ADAMTS20: variants seen among roughly 807,000 people sequenced by gnomAD.
ADAMTS20 encodes ADAM metallopeptidase with thrombospondin type 1 motif 20.
ADAMTS20 carries 225 observed loss-of-function variants against 260.1 expected under a neutral mutation model. The ratio of observed to expected loss-of-function variants is 0.87; its 90% confidence interval spans 0.78 to 0.97. The LOEUF (loss-of-function observed/expected upper bound fraction) is 0.97. ADAMTS20 is among the 50% of genes least tolerant of loss of function. ADAMTS20 has a pLI of 0.00. For synonymous variants in ADAMTS20, 802 were observed against 769.5 expected (o/e 1.04, Z -0.70); for missense variants, 2,400 against 2,337.7 (o/e 1.03, Z -0.55).
intron 36 of ADAMTS20, among the ~76,000 whole-genome samples, chr12:43,371,850 A>G (rs1322885099): frequency 6.6e-6 from 1 of 152,250 alleles, no homozygotes; most frequent in African/African-American, 2.4e-5. Context: ...CAGCATGCAC[A>G]TTGAAAATTC....
At chr12:43,455,844 G>A (rs921728858) in intron 11 of ADAMTS20, among the ~76,000 whole-genome samples, 3 of 151,954 alleles carry the variant, frequency 2.0e-5, no homozygotes, top group Non-Finnish European at 4.4e-5. Context: ...GAGTAGCTGG[G>A]ACTACAGGCG....
chr12:43,377,652 G>A, intron 31 of ADAMTS20, 90 bp from the exon 32 acceptor site: 14 of 1,004,880 alleles, frequency 1.4e-5, no homozygotes, highest in Admixed American at 2.8e-5. Flanking sequence ...ATTATGCTGT[G>A]TCATTTCCAC....
chr12:43,410,048 T>C (rs559895251), intron 28 of ADAMTS20, among the ~76,000 whole-genome samples: 2 of 152,212 alleles, frequency 1.3e-5, no homozygotes, highest in Non-Finnish European at 2.9e-5. Flanking sequence ...TATTCCAATA[T>C]AAGGATTGAC....
chr12:43,505,023 G>A (rs1273625224), intron 3 of ADAMTS20, among the ~76,000 whole-genome samples: 1 of 152,086 alleles, frequency 6.6e-6, no homozygotes, highest in Non-Finnish European at 1.5e-5. Flanking sequence ...TAAGTTCATA[G>A]CAAAACAAAT....
At chr12:43,496,049 G>A (rs17093391) in intron 4 of ADAMTS20, among the ~76,000 whole-genome samples, 4,226 of 152,244 alleles carry the variant, frequency 0.028, 91 homozygotes, top group African/African-American at 0.054. Context: ...GAGAATTTTT[G>A]AAGCAGTATG....
chr12:43,396,633 C>T (rs1473173932), intron 29 of ADAMTS20, among the ~76,000 whole-genome samples: 2 of 152,046 alleles, frequency 1.3e-5, no homozygotes, highest in Admixed American at 6.6e-5. Context: ...GAGAAGCAAG[C>T]AAATTATATA....
intron 31 of ADAMTS20, among the ~76,000 whole-genome samples, chr12:43,379,737 T>A (rs183894571): frequency 2.2e-4 from 34 of 152,142 alleles, no homozygotes; most frequent in African/African-American, 6.7e-4. Context: ...GAAAAGTCAC[T>A]AAAAAACAAA....
At position 43,493,256 on chromosome 12, in the gene ADAMTS20, G is replaced by A. The variant is rs1315059488; in HGVS notation, c.868-3C>T. On this transcript the variant is annotated splice_region_variant and splice_polypyrimidine_tract_variant and intron_variant, in intron 4 of 38. Coordinates refer to ENST00000389420, the MANE Select transcript of ADAMTS20 (RefSeq NM_025003.5). Reference sequence around the variant, plus strand: ...GGATCTTTGTAGATTGTTGCAACCTGCATGTAAAAAAAATGTAGGATTAGT... The same window carrying A: ...GGATCTTTGTAGATTGTTGCAACCTACATGTAAAAAAAATGTAGGATTAGT... 2.6e-6 allele frequency: 4 copies of A among 1,533,054 alleles called. No homozygotes were observed. The highest frequency in any genetic ancestry group is 2.8e-5 in the African/African-American group (2 of 72,290). 95.0% of individuals were successfully genotyped at this position (1,533,054 alleles called of 1,614,324 possible).
chr12:43,422,455 T>G (rs958192875), intron 28 of ADAMTS20, among the ~76,000 whole-genome samples: 1 of 151,970 alleles, frequency 6.6e-6, no homozygotes, highest in East Asian at 1.9e-4. Flanking sequence ...AATGTTATAT[T>G]TGGTATTGAC....
At chr12:43,512,283 T>A (rs1240562581) in intron 3 of ADAMTS20, among the ~76,000 whole-genome samples, 1 of 149,404 alleles carries the variant, frequency 6.7e-6, no homozygotes, top group Non-Finnish European at 1.5e-5. Flanking sequence ...CTGCCTATTG[T>A]AATATAACTA....
intron 3 of ADAMTS20, among the ~76,000 whole-genome samples, chr12:43,523,731 G>A (rs1198141104): frequency 6.6e-6 from 1 of 152,052 alleles, no homozygotes; most frequent in African/African-American, 2.4e-5. Flanking sequence ...TCTAGAACAT[G>A]AGACCATCTC....
chr12:43,482,015 G>A (rs1017452635), intron 7 of ADAMTS20, among the ~76,000 whole-genome samples: 6 of 152,088 alleles, frequency 3.9e-5, no homozygotes, highest in Admixed American at 6.5e-5. Flanking sequence ...CCAGGCCATG[G>A]GGAGAAGGCG....
chr12:43,409,364 A>C (rs552062280), intron 28 of ADAMTS20, among the ~76,000 whole-genome samples: 24 of 152,088 alleles, frequency 1.6e-4, no homozygotes, highest in South Asian at 4.1e-4. Context: ...GCACTTTGGG[A>C]GGCCGAGACG....
chr12:43,429,683 C>G lies in ADAMTS20; in HGVS notation c.3423G>C (p.Glu1141Asp), dbSNP rs780022018. The G allele has an allele frequency of 2.3e-5, 37 of 1,596,394 alleles. No individual in the cohort carries two copies. The Admixed American group carries it at 6.1e-4, about 26-fold the overall frequency. The change falls in exon 24 of 39, where the codon GAG (glutamate) becomes GAC (aspartate). Residue 1141 changes from glutamate to aspartate, a missense_variant. Transcript: ENST00000389420. ...LTPCSFISKLETALLPTVLIK... is the reference protein window; with the variant it reads ...LTPCSFISKLDTALLPTVLIK... ...TGAGAACAGTTGGTAATAAAGCGGTCTCAAGTTTAGAAATAAATGAGCAAG... is the reference window on the plus strand; with the variant it reads ...TGAGAACAGTTGGTAATAAAGCGGTGTCAAGTTTAGAAATAAATGAGCAAG...
Position 43,432,817 on chromosome 12 carries a change from A to G in ADAMTS20, c.2721-6T>C. 2 of 1,607,522 alleles carry G rather than the reference A, an allele frequency of 1.2e-6. No homozygotes were observed. The highest frequency in any genetic ancestry group is 1.7e-6 in the Non-Finnish European group (2 of 1,174,066). ...TTTTGCCAATAACATGCCACCTTGA[A>G]AAAAGATGTTACTATACTTAGGAGG... On this transcript the variant is annotated splice_polypyrimidine_tract_variant and splice_region_variant and intron_variant, in intron 19 of 38. Coordinates refer to ENST00000389420, the MANE Select transcript of ADAMTS20 (RefSeq NM_025003.5).
intron 37 of ADAMTS20, among the ~76,000 whole-genome samples, chr12:43,362,155 G>A (rs921675790): frequency 6.6e-6 from 1 of 152,192 alleles, no homozygotes; most frequent in Non-Finnish European, 1.5e-5. Context: ...ATTGTAGAAT[G>A]TATAATCTCC....
chr12:43,452,280 C>G lies in ADAMTS20; in HGVS notation c.2073G>C (p.Gln691His). 1 of 1,607,320 alleles carries G rather than the reference C, an allele frequency of 6.2e-7. No homozygotes were observed. The highest frequency in any genetic ancestry group is 8.5e-7 in the Non-Finnish European group (1 of 1,177,846). Reference sequence around the variant, plus strand: ...AAACTTATAGTTTACTTACCATACACTGGCCTTGAACACAGATGTCATGAG... The same window carrying G: ...AAACTTATAGTTTACTTACCATACAGTGGCCTTGAACACAGATGTCATGAG... ...TETHDICVQG[Q>H]CMAAGCDHVL... is the part of the protein sequence containing the mutation. The change falls in exon 14 of 39, where the codon CAG becomes CAC. Residue 691 changes from glutamine (Q) to histidine (H), a missense_variant. Physicochemically the swap from Gln to His is conservative, Grantham distance 24 (BLOSUM62 0). Coordinates refer to ENST00000389420, the MANE Select transcript of ADAMTS20 (RefSeq NM_025003.5).
intron 18 of ADAMTS20, 114 bp downstream of exon 18, chr12:43,439,508 G>C: frequency 8.3e-7 from 1 of 1,210,172 alleles, no homozygotes. Flanking sequence ...TATGTCTGTG[G>C]GATATGTGTA....
At chr12:43,449,178 T>C (rs980661413) in intron 14 of ADAMTS20, among the ~76,000 whole-genome samples, 6 of 152,142 alleles carry the variant, frequency 3.9e-5, no homozygotes, top group African/African-American at 1.4e-4. Context: ...TAAAGACACA[T>C]GCAGGTGTAT....
Sources: allele counts gnomAD v4.1 joint callset (sites outside exome capture counted in the v4.1 genomes callset), GRCh38; gene constraint gnomAD v4.1.1; transcripts MANE v1.5; gene names NCBI Gene and HGNC (gene_info 2026-07-23, HGNC 2026-07-21).